HBS1L: variants seen among roughly 807,000 people sequenced by gnomAD.
The protein encoded by HBS1L is HBS1 like translational GTPase.
A neutral mutation model predicts 88.9 loss-of-function variants in HBS1L; 55 were observed. That is an observed-to-expected ratio of 0.62 (90% CI 0.50 to 0.77). HBS1L has a LOEUF of 0.77. HBS1L is among the 30% of genes least tolerant of loss of function. The pLI, the probability that HBS1L is intolerant of heterozygous loss-of-function variation, is 0.00. For missense variants in HBS1L, 741 were observed against 829.3 expected (o/e 0.89, Z 1.31); for synonymous variants, 267 against 288.5 (o/e 0.93, Z 0.76).
intron 1 of HBS1L, among the ~76,000 whole-genome samples, chr6:135,053,190 C>T (rs915073786): frequency 6.6e-6 from 1 of 152,194 alleles, no homozygotes; most frequent in Non-Finnish European, 1.5e-5. Flanking sequence ...ACGTAGAAAT[C>T]CTGCTTAAAT....
chr6:135,025,320 G>C (rs1776197058), intron 4 of HBS1L, among the ~76,000 whole-genome samples: 1 of 152,174 alleles, frequency 6.6e-6, no homozygotes, highest in African/African-American at 2.4e-5. Flanking sequence ...ATTCTGTCCA[G>C]AAGCCAGAGT....
rs753570069 is a variant in HBS1L, at chr6:134,996,978, AT to A, written c.800-37del. 4.1e-6 allele frequency: 6 copies of A among 1,478,724 alleles called. No homozygotes were observed. The African/African-American group carries it at 8.5e-5, about 21-fold the overall frequency. 91.6% of individuals were successfully genotyped at this position (1,478,724 alleles called of 1,614,324 possible). On this transcript the variant is annotated intron_variant, in intron 6 of 17. Coordinates refer to ENST00000367837, the MANE Select transcript of HBS1L (RefSeq NM_006620.4). ...TTGATTCAGGATTAATACCAGGTAC[AT>A]TTCCAGATGTTCACATTGAGGCATT...
At chr6:135,052,951 C>T (rs1006964881) in intron 1 of HBS1L, among the ~76,000 whole-genome samples, 2 of 152,152 alleles carry the variant, frequency 1.3e-5, no homozygotes, top group African/African-American at 4.8e-5. Context: ...AATTATTATT[C>T]TGAGAATTCA....
chr6:134,992,974 C>T (rs544779713), intron 8 of HBS1L, among the ~76,000 whole-genome samples: 1 of 152,086 alleles, frequency 6.6e-6, no homozygotes, highest in Non-Finnish European at 1.5e-5. Context: ...TCTTTTATGC[C>T]CTATTTTTAC....
intron 15 of HBS1L, among the ~76,000 whole-genome samples, chr6:134,974,455 A>G (rs1432378514): frequency 6.6e-6 from 1 of 152,168 alleles, no homozygotes; most frequent in Admixed American, 6.5e-5. Flanking sequence ...GGACATAACA[A>G]AAAAAGAAAG....
intron 15 of HBS1L, among the ~76,000 whole-genome samples, chr6:134,975,018 A>T (rs1176152949): frequency 1.3e-5 from 2 of 152,150 alleles, no homozygotes; most frequent in Non-Finnish European, 2.9e-5. Context: ...AATCCTAAAG[A>T]TTCCTCCCAA....
chr6:135,046,475 GCAAA>G (rs1776916842), intron 2 of HBS1L, among the ~76,000 whole-genome samples: 2 of 152,054 alleles, frequency 1.3e-5, no homozygotes, highest in African/African-American at 4.8e-5. Context: ...AGTTTTATAT[GCAAA>G]CTCCTTTTGC....
intron 16 of HBS1L, among the ~76,000 whole-genome samples, chr6:134,967,902 C>T (rs989509197): frequency 2.6e-5 from 4 of 152,130 alleles, no homozygotes; most frequent in Admixed American, 6.5e-5. Flanking sequence ...ATAGTTATAT[C>T]GTGTTTCTCA....
At chr6:135,009,512 C>A (rs1413616678) in intron 4 of HBS1L, among the ~76,000 whole-genome samples, 2 of 151,912 alleles carry the variant, frequency 1.3e-5, no homozygotes, top group Non-Finnish European at 2.9e-5. Context: ...CATCAATATA[C>A]TTTTAAAGAC....
intron 5 of HBS1L, 97 bp from the exon 6 acceptor site, chr6:134,997,753 A>G (rs1775334027): frequency 3.5e-6 from 4 of 1,146,042 alleles, no homozygotes; most frequent in Non-Finnish European, 5.2e-6. Context: ...ATAATCCTTT[A>G]TGCTCCAGAC....
intron 4 of HBS1L, among the ~76,000 whole-genome samples, chr6:135,030,317 G>C (rs1307576395): frequency 2.0e-5 from 3 of 152,068 alleles, no homozygotes; most frequent in Non-Finnish European, 4.4e-5. Flanking sequence ...GTGAACTATG[G>C]GTGCATATGA....
At position 134,960,853 on chromosome 6, in the gene HBS1L, C is replaced by T. The variant is rs191291173; in HGVS notation, c.*4426G>A. 77 of 152,206 alleles carry T rather than the reference C, an allele frequency of 5.1e-4. No homozygotes were observed. The highest frequency in any genetic ancestry group is 7.5e-4 in the Non-Finnish European group (51 of 68,002). 9.4% of individuals were successfully genotyped at this position (152,206 alleles called of 1,614,324 possible). On this transcript the variant is annotated 3_prime_UTR_variant, in exon 18 of 18. Coordinates refer to ENST00000367837, the MANE Select transcript of HBS1L (RefSeq NM_006620.4). Reference sequence around the variant, plus strand: ...TGCTTGGCACATGGTATACACCCAACGGATCAGTTATTTTTGTCTCCCCAG... The same window carrying T: ...TGCTTGGCACATGGTATACACCCAATGGATCAGTTATTTTTGTCTCCCCAG...
At position 135,037,614 on chromosome 6, in the gene HBS1L, T is replaced by C. The variant is rs1299662990; in HGVS notation, c.430+1959A>G. Reference sequence around the variant, plus strand: ...TTATGATTATGGTCTTTAAATCTGGTATTTCTTTGAATGCAGAATCATCTT... The same window carrying C: ...TTATGATTATGGTCTTTAAATCTGGCATTTCTTTGAATGCAGAATCATCTT... On this transcript the variant is annotated intron_variant, in intron 4 of 17. Transcript: ENST00000367837. 1.9e-6 allele frequency: 3 copies of C among 1,547,840 alleles called. No homozygotes were observed. The Admixed American group carries it at 5.9e-5, about 31-fold the overall frequency.
In HBS1L at chr6:134,965,024, G is replaced by C; in HGVS notation, c.*255C>G. ...TTTTTGACACTTGCCATAAATCTTAGCAAAGTAAATCCATTTATTAACGTT... is the reference window on the plus strand; with the variant it reads ...TTTTTGACACTTGCCATAAATCTTACCAAAGTAAATCCATTTATTAACGTT... On this transcript the variant is annotated 3_prime_UTR_variant, in exon 18 of 18. Coordinates refer to ENST00000367837, the MANE Select transcript of HBS1L (RefSeq NM_006620.4). 1.9e-6 allele frequency: 1 copy of C among 517,430 alleles called. No individual in the cohort carries two copies. The highest frequency in any genetic ancestry group is 3.8e-5 in the Admixed American group (1 of 26,554). 32.1% of individuals were successfully genotyped at this position (517,430 alleles called of 1,614,324 possible).
rs183724322 is a variant in HBS1L at position 134,980,017 on chromosome 6, A to G, written c.1598-749T>C. On this transcript the variant is annotated intron_variant, in intron 13 of 17. Coordinates refer to ENST00000367837, the MANE Select transcript of HBS1L (RefSeq NM_006620.4). ...CAGTTCCCAAGGGCAATACTCAGCTACCTTACTCAAAGGCTTTTAAAATAT... is the reference window on the plus strand; with the variant it reads ...CAGTTCCCAAGGGCAATACTCAGCTGCCTTACTCAAAGGCTTTTAAAATAT... Among the ~76,000 whole-genome samples, 573 of 152,080 alleles carry G rather than the reference A, an allele frequency of 3.8e-3. 3 individuals are homozygous for G. The highest frequency in any genetic ancestry group is 0.012 in the African/African-American group (513 of 41,518).
rs114319813 is a variant in HBS1L, at chr6:134,989,379, G to A, written c.1084-1588C>T. 3.2e-3 allele frequency among the ~76,000 whole-genome samples: 494 copies of A among 152,064 alleles called. 1 individual carries two copies. The highest frequency in any genetic ancestry group is 0.012 in the African/African-American group (479 of 41,466). On this transcript the variant is annotated intron_variant, in intron 8 of 17. Transcript: ENST00000367837. ...TGGCATTCCCCTTTTTAGCTATCTC[G>A]GGCTGTTACATGATAATCACTATCT...
At chr6:135,028,226 C>G (rs531140170) in intron 4 of HBS1L, among the ~76,000 whole-genome samples, 1 of 145,512 alleles carries the variant, frequency 6.9e-6, no homozygotes, top group East Asian at 2.0e-4. Flanking sequence ...GATCTTGGAA[C>G]CAAAATTTAG....
intron 4 of HBS1L, among the ~76,000 whole-genome samples, chr6:135,013,896 AT>A (rs1298111361): frequency 6.6e-6 from 1 of 152,164 alleles, no homozygotes; most frequent in Non-Finnish European, 1.5e-5. Flanking sequence ...TGTAATGGTA[AT>A]TTAAAAAAGT....
Position 135,012,564 on chromosome 6 carries a change from G to C in HBS1L, c.431-9722C>G, listed in dbSNP as rs1775805995. On this transcript the variant is annotated intron_variant, in intron 4 of 17. Transcript: ENST00000367837. ...GTCCACTAGGGTTTTCATCATCTCA[G>C]CTAATAAAATATACTCTGTAGCTCT... 2.0e-5 allele frequency among the ~76,000 whole-genome samples: 3 copies of C among 152,092 alleles called. No homozygotes were observed. In the South Asian group the frequency reaches 6.2e-4, roughly 32 times the overall value.
Sources: allele counts gnomAD v4.1 joint callset (sites outside exome capture counted in the v4.1 genomes callset), GRCh38; gene constraint gnomAD v4.1.1; transcripts MANE v1.5; gene names NCBI Gene and HGNC (gene_info 2026-07-23, HGNC 2026-07-21).